CCSER1: variants seen among roughly 807,000 people sequenced by gnomAD.
The protein encoded by CCSER1 is coiled-coil serine rich protein 1.
A neutral mutation model predicts 82.0 loss-of-function variants in CCSER1; 41 were observed. The observed-to-expected ratio is 0.50, with a 90% CI of 0.39 to 0.65. The LOEUF is 0.65. Among genes scored for constraint, CCSER1 ranks in the 30% least tolerant of loss-of-function variants. CCSER1 has a pLI of 0.00. For synonymous variants in CCSER1, 414 were observed against 383.9 expected, an observed-to-expected ratio of 1.08 and a Z score of -0.92; for missense variants, 1,119 against 1,064.2, an observed-to-expected ratio of 1.05 and a Z score of -0.72.
chr4:91,159,556 G>A (rs1731164131), intron 10 of CCSER1, among the ~76,000 whole-genome samples: 1 of 151,894 alleles, frequency 6.6e-6, no homozygotes, highest in Admixed American at 6.6e-5. Flanking sequence ...GATCACAGTT[G>A]AGAAGCATTT....
rs1316049139 is a variant in CCSER1 at position 91,348,038 on chromosome 4, TC to T, written c.2218-250532del. Among the ~76,000 whole-genome samples the T allele has an allele frequency of 2.0e-5, 3 of 152,126 alleles. No homozygotes were observed. In the East Asian group the frequency reaches 5.8e-4, roughly 29 times the overall value. ...TTGAGTAGAAGTGTAAGAACAGACT[TC>T]CTTGCCTTGTTCCTGATATTAGCAG... On this transcript the variant is annotated intron_variant, in intron 10 of 10. Coordinates refer to ENST00000509176, the MANE Select transcript of CCSER1 (RefSeq NM_001145065.2).
intron 7 of CCSER1, among the ~76,000 whole-genome samples, chr4:90,792,916 T>C (rs1755469077): frequency 6.6e-6 from 1 of 152,176 alleles, no homozygotes; most frequent in African/African-American, 2.4e-5. Context: ...GGCTGGTACC[T>C]GGAGTGTGAG....
chr4:91,161,103 T>A (rs531607959), intron 10 of CCSER1, among the ~76,000 whole-genome samples: 3 of 152,150 alleles, frequency 2.0e-5, no homozygotes, highest in Non-Finnish European at 2.9e-5. Context: ...AGGGATCCAG[T>A]TTCAGCTTTC....
chr4:91,140,707 C>G (rs1270694935), intron 10 of CCSER1, among the ~76,000 whole-genome samples: 1 of 152,048 alleles, frequency 6.6e-6, no homozygotes, highest in Admixed American at 6.6e-5. Context: ...TCACTGATTG[C>G]TTTTGATGCC....
In CCSER1 at chr4:91,118,047, C is replaced by T. The variant is rs545264255; in HGVS notation, c.2217+32053C>T. Among the ~76,000 whole-genome samples, 4 of 152,078 alleles carry T rather than the reference C, an allele frequency of 2.6e-5. No homozygotes were observed. The East Asian group carries it at 7.7e-4, about 29-fold the overall frequency. ...TTATTATGTATTAAACAGCAAAATG[C>T]TAACATTATGTATGTCTGGTAAATA... On this transcript the variant is annotated intron_variant, in intron 10 of 10. Coordinates refer to ENST00000509176, the MANE Select transcript of CCSER1 (RefSeq NM_001145065.2).
intron 9 of CCSER1, among the ~76,000 whole-genome samples, chr4:90,951,950 A>T (rs574161847): frequency 6.6e-6 from 1 of 152,082 alleles, no homozygotes; most frequent in Admixed American, 6.6e-5. Context: ...ACGCACACAC[A>T]TACAGACACA....
At chr4:90,476,876 A>G (rs1765192212) in intron 5 of CCSER1, among the ~76,000 whole-genome samples, 1 of 152,034 alleles carries the variant, frequency 6.6e-6, no homozygotes, top group Non-Finnish European at 1.5e-5. Flanking sequence ...CACAAATGCT[A>G]TTTTTCAGAT....
chr4:90,644,756 A>G lies in CCSER1; in HGVS notation c.1932+16524A>G, dbSNP rs1326025106. Reference sequence around the variant, plus strand: ...TGCCTGCATAAGTTTGCTGAGGATAATGGCTTCCAGCTCCATCTATGTCCC... The same window carrying G: ...TGCCTGCATAAGTTTGCTGAGGATAGTGGCTTCCAGCTCCATCTATGTCCC... On this transcript the variant is annotated intron_variant, in intron 6 of 10. Coordinates refer to ENST00000509176, the MANE Select transcript of CCSER1 (RefSeq NM_001145065.2). Among the ~76,000 whole-genome samples the G allele has an allele frequency of 5.3e-5, 8 of 152,028 alleles. No individual in the cohort carries two copies. In the East Asian group the frequency reaches 1.6e-3, roughly 30 times the overall value.
At chr4:90,198,470 AAG>A (rs1434095913) in intron 1 of CCSER1, among the ~76,000 whole-genome samples, 1 of 152,124 alleles carries the variant, frequency 6.6e-6, no homozygotes, top group African/African-American at 2.4e-5. Flanking sequence ...GGTGCTATGT[AAG>A]AACAGGAATA....
chr4:90,859,038 G>A (rs62311125), intron 8 of CCSER1, among the ~76,000 whole-genome samples: 13,179 of 151,906 alleles, frequency 0.087, 624 homozygotes, highest in Admixed American at 0.13. Context: ...GAAAGAGAAA[G>A]ATCAAAATGA....
At chr4:91,582,021 AT>A (rs1249742493) in intron 10 of CCSER1, among the ~76,000 whole-genome samples, 1 of 151,700 alleles carries the variant, frequency 6.6e-6, no homozygotes, top group Non-Finnish European at 1.5e-5. Flanking sequence ...GTTTATGTAT[AT>A]GCACCTCAAG....
intron 4 of CCSER1, among the ~76,000 whole-genome samples, chr4:90,415,698 G>T (rs1243958785): frequency 6.6e-6 from 1 of 152,118 alleles, no homozygotes; most frequent in East Asian, 1.9e-4. Context: ...TTAATCTTTA[G>T]CTATTTAATC....
intron 10 of CCSER1, among the ~76,000 whole-genome samples, chr4:91,323,633 A>C (rs1369390829): frequency 6.6e-6 from 1 of 152,216 alleles, no homozygotes; most frequent in Non-Finnish European, 1.5e-5. Flanking sequence ...CGATTTTTCT[A>C]TAGCAAACAA....
At chr4:91,586,202 G>T (rs917851174) in intron 10 of CCSER1, among the ~76,000 whole-genome samples, 5 of 151,568 alleles carry the variant, frequency 3.3e-5, no homozygotes, top group Non-Finnish European at 7.4e-5. Context: ...CAGACATGAT[G>T]CAATTATTAT....
chr4:91,281,788 C>A (rs1581898493), intron 10 of CCSER1, among the ~76,000 whole-genome samples: 2 of 152,208 alleles, frequency 1.3e-5, no homozygotes, highest in African/African-American at 2.4e-5. Flanking sequence ...TCATAGTTTA[C>A]ATTTTTCTTT....
intron 6 of CCSER1, among the ~76,000 whole-genome samples, chr4:90,675,326 T>A (rs1288115181): frequency 3.3e-5 from 5 of 152,014 alleles, no homozygotes; most frequent in South Asian, 4.1e-4. Context: ...CATGTTTTTT[T>A]AATCACATGT....
At chr4:91,053,561 A>G (rs904400037) in intron 9 of CCSER1, among the ~76,000 whole-genome samples, 3 of 152,182 alleles carry the variant, frequency 2.0e-5, no homozygotes, top group South Asian at 2.1e-4. Context: ...CTATGTTCAC[A>G]GACCTCCAGA....
At chr4:90,532,873 CTT>C (rs1312035563) in intron 5 of CCSER1, among the ~76,000 whole-genome samples, 2 of 152,150 alleles carry the variant, frequency 1.3e-5, no homozygotes, top group South Asian at 4.2e-4. Context: ...TCTATCTTGG[CTT>C]TTTTGTATTC....
chr4:90,830,999 A>G (rs1278645896), intron 8 of CCSER1, among the ~76,000 whole-genome samples: 2 of 151,948 alleles, frequency 1.3e-5, no homozygotes, highest in African/African-American at 4.8e-5. Flanking sequence ...ACTGTTCCCA[A>G]CCATTCTGGG....
Sources: allele counts gnomAD v4.1 joint callset (sites outside exome capture counted in the v4.1 genomes callset), GRCh38; gene constraint gnomAD v4.1.1; transcripts MANE v1.5; gene names NCBI Gene and HGNC (gene_info 2026-07-23, HGNC 2026-07-21).